The following CACNA1C variants were observed in gnomAD, a reference collection of about 807,000 sequenced individuals.
CACNA1C encodes voltage-dependent L-type calcium channel subunit alpha-1C.
A neutral mutation model predicts 229.0 loss-of-function variants in CACNA1C; 30 were observed. The ratio of observed to expected loss-of-function variants is 0.13; its 90% CI spans 0.10 to 0.18. CACNA1C has a LOEUF of 0.18. Ranked by LOEUF, CACNA1C falls within the 10% of genes least tolerant of loss-of-function variation. The pLI is 1.00. For synonymous variants in CACNA1C, 1,114 were observed against 1,132.5 expected, an observed-to-expected ratio of 0.98 and a Z score of 0.33; for missense variants, 1,658 against 2,845.0, an observed-to-expected ratio of 0.58 and a Z score of 9.49.
intron 3 of CACNA1C, among the ~76,000 whole-genome samples, chr12:2,385,504 C>A (rs1402599540): frequency 6.6e-6 from 1 of 152,192 alleles, no homozygotes; most frequent in Non-Finnish European, 1.5e-5. Flanking sequence ...CAGCTAGGAC[C>A]CGCTGCTGTC....
chr12:2,589,814 A>T (rs1305071860), intron 18 of CACNA1C, among the ~76,000 whole-genome samples: 1 of 152,214 alleles, frequency 6.6e-6, no homozygotes, highest in Non-Finnish European at 1.5e-5. Context: ...GGTGCCGGAG[A>T]TGCAGAGAAG....
At chr12:2,375,428 C>T (rs1019974377) in intron 3 of CACNA1C, among the ~76,000 whole-genome samples, 4 of 152,290 alleles carry the variant, frequency 2.6e-5, no homozygotes, top group African/African-American at 7.2e-5. Flanking sequence ...GGCCCACCTT[C>T]GGCTCCTGTG....
At position 2,504,996 on chromosome 12, in the gene CACNA1C, A is replaced by T. The variant is rs372621648; in HGVS notation, c.1217+51A>T. On this transcript the variant is annotated intron_variant, in intron 8 of 46. Transcript: ENST00000399655. This position sits in a 1 kb window ranked among gnomAD's most constrained non-coding sequence, Gnocchi z 6.8. ...TTGATTTTTCCATTTATTTTTATTT[A>T]TTCTTTCTGCTATTCCTGGCTGTAT... 2.1e-6 allele frequency: 2 copies of T among 932,856 alleles called. No individual in the cohort carries two copies. Among genetic ancestry groups the T allele is most frequent in the African/African-American group, 1.6e-5 (1 of 60,662 alleles). The allele number at this position is 932,856 out of a possible 1,614,324, so 57.8% of individuals were successfully genotyped here.
chr12:2,302,051 C>G (rs57299165), intron 3 of CACNA1C, among the ~76,000 whole-genome samples: 2,108 of 152,290 alleles, frequency 0.014, 59 homozygotes, highest in African/African-American at 0.048. Context: ...AACTTTGGTT[C>G]ACTTACAAGA....
intron 3 of CACNA1C, among the ~76,000 whole-genome samples, chr12:2,246,992 C>G (rs1206755965): frequency 1.3e-5 from 2 of 152,176 alleles, no homozygotes; most frequent in East Asian, 3.8e-4. Flanking sequence ...GCAATAACTC[C>G]CCGATAGGTA....
At chr12:2,385,032 C>T (rs758655584) in intron 3 of CACNA1C, among the ~76,000 whole-genome samples, 6 of 152,114 alleles carry the variant, frequency 3.9e-5, no homozygotes, top group Non-Finnish European at 7.4e-5. Context: ...GCATAGTGCT[C>T]GCTCCCCAAG....
Position 2,387,132 on chromosome 12 carries a change from G to A in CACNA1C, c.478-61844G>A, listed in dbSNP as rs893751673. Reference sequence around the variant, plus strand: ...GCCTAGAGATGCAGTGGTGTGCAAGGCAGGGGAGGGCACTTTCTTCAGAGC... The same window carrying A: ...GCCTAGAGATGCAGTGGTGTGCAAGACAGGGGAGGGCACTTTCTTCAGAGC... On this transcript the variant is annotated intron_variant, in intron 3 of 46. Coordinates refer to ENST00000399655, the MANE Select transcript of CACNA1C (RefSeq NM_000719.7). Among the ~76,000 whole-genome samples the A allele has an allele frequency of 4.6e-5, 7 of 152,276 alleles. No homozygotes were observed. The East Asian group carries it at 1.4e-3, about 29-fold the overall frequency.
At chr12:2,203,959 C>T (rs1286368043) in intron 3 of CACNA1C, among the ~76,000 whole-genome samples, 6 of 152,256 alleles carry the variant, frequency 3.9e-5, no homozygotes, top group South Asian at 2.1e-4. Context: ...GGAGGCTCTG[C>T]AGTCTTTTGG....
At chr12:2,360,049 G>A (rs1367003923) in intron 3 of CACNA1C, among the ~76,000 whole-genome samples, 2 of 151,936 alleles carry the variant, frequency 1.3e-5, no homozygotes, top group Admixed American at 6.6e-5. Context: ...CCAGGGACAC[G>A]TAGTAAAAAA....
chr12:2,445,171 A>C (rs1346528151), intron 3 of CACNA1C, among the ~76,000 whole-genome samples: 1 of 152,018 alleles, frequency 6.6e-6, no homozygotes, highest in Non-Finnish European at 1.5e-5. Flanking sequence ...CCCTACCCCC[A>C]GCACCTAACC....
intron 9 of CACNA1C, among the ~76,000 whole-genome samples, chr12:2,546,551 A>G (rs546648257): frequency 1.8e-4 from 27 of 152,230 alleles, no homozygotes; most frequent in African/African-American, 5.8e-4. Context: ...TGGGGTCTTC[A>G]CATTCTTCCA....
chr12:2,325,483 G>T (rs554283988), intron 3 of CACNA1C, among the ~76,000 whole-genome samples: 2 of 152,326 alleles, frequency 1.3e-5, no homozygotes, highest in East Asian at 1.9e-4. Flanking sequence ...TTATTGGAAG[G>T]AATATCGGCT....
intron 3 of CACNA1C, among the ~76,000 whole-genome samples, chr12:2,183,696 G>A (rs938053488): frequency 1.3e-5 from 2 of 152,268 alleles, no homozygotes; most frequent in African/African-American, 4.8e-5. Context: ...GTAGGCGAAA[G>A]GCCCCAGGGC....
intron 3 of CACNA1C, among the ~76,000 whole-genome samples, chr12:2,261,496 G>A (rs915516029): frequency 1.3e-5 from 2 of 152,196 alleles, no homozygotes; most frequent in East Asian, 3.8e-4. Context: ...AAATGTTAGA[G>A]TTGTTATAAA....
intron 3 of CACNA1C, among the ~76,000 whole-genome samples, chr12:2,231,008 G>A (rs939398652): frequency 1.3e-5 from 2 of 152,178 alleles, no homozygotes; most frequent in Admixed American, 1.3e-4. Context: ...GCGGACTATT[G>A]GGAGGGAGTT....
In CACNA1C at chr12:2,274,079, A is replaced by G. The variant is rs187725696; in HGVS notation, c.477+153649A>G. On this transcript the variant is annotated intron_variant, in intron 3 of 46. Coordinates refer to ENST00000399655, the MANE Select transcript of CACNA1C (RefSeq NM_000719.7). Reference sequence around the variant, plus strand: ...TGGCCCTGGGTCGAAGGAGTGGCATAAGGTCCCACTTGGGTGCTTGATAAT... The same window carrying G: ...TGGCCCTGGGTCGAAGGAGTGGCATGAGGTCCCACTTGGGTGCTTGATAAT... Among the ~76,000 whole-genome samples the G allele has an allele frequency of 3.3e-5, 5 of 152,298 alleles. No homozygotes were observed. In the East Asian group the frequency reaches 9.7e-4, roughly 29 times the overall value.
chr12:2,355,853 T>G (rs2097346300), intron 3 of CACNA1C, among the ~76,000 whole-genome samples: 1 of 152,028 alleles, frequency 6.6e-6, no homozygotes, highest in Non-Finnish European at 1.5e-5. Context: ...CAGAGAATGA[T>G]CCAGCCCAAT....
intron 1 of CACNA1C, among the ~76,000 whole-genome samples, chr12:2,100,825 G>A (rs772422668): frequency 1.1e-4 from 17 of 151,710 alleles, no homozygotes; most frequent in Non-Finnish European, 2.4e-4. Flanking sequence ...GGCCAAGGTG[G>A]ATGGATTGCT....
rs2079487176 is a variant in CACNA1C, at chr12:2,107,362, CGGGG to C, written c.50-7861_50-7858del. Among the ~76,000 whole-genome samples the C allele has an allele frequency of 1.6e-4, 7 of 44,200 alleles. 3 individuals carry two copies. The highest frequency in any genetic ancestry group is 6.3e-4 in the African/African-American group (7 of 11,052). 29.0% of individuals were successfully genotyped at this position (44,200 alleles called of 152,430 possible). On this transcript the variant is annotated intron_variant, in intron 1 of 46. Coordinates refer to ENST00000399655, the MANE Select transcript of CACNA1C (RefSeq NM_000719.7). ...TGCTGAAACCACTGGGCGCCCACCC[CGGGG>C]AGGGTTTCCACCTCAGCTGGGCGTC...
Sources: gnomAD v4.1 joint callset for allele counts (sites outside exome capture counted in the v4.1 genomes callset) on GRCh38, gnomAD v4.1.1 for gene constraint, Gnocchi (gnomAD v3.1) non-coding constraint, MANE v1.5 for transcripts, NCBI Gene and HGNC (gene_info 2026-07-23, HGNC 2026-07-21) for gene names.